CDH16: variants seen among roughly 807,000 people sequenced by gnomAD.
CDH16 encodes cadherin-16.
CDH16 carries 79 observed loss-of-function variants against 87.6 expected under a neutral mutation model. The ratio of observed to expected loss-of-function variants is 0.90; its 90% CI spans 0.75 to 1.09. CDH16 has a LOEUF of 1.09. CDH16 is among the 50% of genes least tolerant of loss of function. The probability of loss-of-function intolerance (pLI) is 0.00; values close to 1 mark genes in which losing one functional copy is unlikely to be tolerated. For missense variants in CDH16, 1,124 were observed against 1,071.7 expected, an observed-to-expected ratio of 1.05 and a Z score of -0.68; for synonymous variants, 457 against 439.5, an observed-to-expected ratio of 1.04 and a Z score of -0.50.
Position 66,917,633 on chromosome 16 carries a change from C to T in CDH16, c.129+9G>A. ...TCCCCCCGGCCCCAACCCCAGCTCTCCGGCTCACCTTGGTCAGGTATAAAG... is the reference window on the plus strand; with the variant it reads ...TCCCCCCGGCCCCAACCCCAGCTCTTCGGCTCACCTTGGTCAGGTATAAAG... On this transcript the variant is annotated intron_variant, in intron 3 of 17. Transcript: ENST00000299752. The T allele has an allele frequency of 6.2e-7, 1 of 1,609,708 alleles. No homozygotes were observed. Among genetic ancestry groups the T allele is most frequent in the Non-Finnish European group, 8.5e-7 (1 of 1,176,976 alleles).
rs1054904725 is a variant in CDH16 at position 66,909,524 on chromosome 16, A to G, written c.2276-141T>C. 4.6e-6 allele frequency: 3 copies of G among 650,330 alleles called. No individual in the cohort carries two copies. Among genetic ancestry groups the G allele is most frequent in the Admixed American group, 2.3e-5 (1 of 43,122 alleles). The allele number at this position is 650,330 out of a possible 1,614,324, so 40.3% of individuals were successfully genotyped here. ...ACATGTGTGTGAAGATATATGCGCT[A>G]GCCAGGCGTGGTGGCTCACACCTGT... On this transcript the variant is annotated intron_variant, in intron 16 of 17. Coordinates refer to ENST00000299752, the MANE Select transcript of CDH16 (RefSeq NM_004062.4). This position sits in a 1 kb window ranked among gnomAD's most constrained non-coding sequence, Gnocchi z 4.1.
chr16:66,910,404 G>A lies in CDH16; in HGVS notation c.2023C>T (p.Leu675Phe), dbSNP rs765196779. Reference protein sequence around the residue: ...LTLAPVPSQYLCTPRQDHGLI... With the variant: ...LTLAPVPSQYFCTPRQDHGLI... ...CCATGGTCTTGGCGGGGTGTGCAGA[G>A]GTATTGGGAGGGCACAGGGGCAAGA... The change falls in exon 15 of 18, where the codon CTC (leucine) becomes TTC (phenylalanine). Residue 675 changes from leucine (L) to phenylalanine (F), a missense_variant. Leu to Phe is a conservative substitution (Grantham distance 22, BLOSUM62 0). Transcript: ENST00000299752. 4.5e-5 allele frequency: 73 copies of A among 1,610,724 alleles called. No individual in the cohort carries two copies. The highest frequency in any genetic ancestry group is 6.2e-5 in the Non-Finnish European group (73 of 1,178,340).
At chr16:66,910,745 C>A (rs886586531) in intron 14 of CDH16, 2 of 427,164 alleles carry the variant, frequency 4.7e-6, no homozygotes, top group South Asian at 6.9e-5. Flanking sequence ...AACCTGCCTC[C>A]CGGGGCTCCC....
chr16:66,915,327 G>A lies in CDH16; in HGVS notation c.476C>T (p.Ala159Val), dbSNP rs1962631448. 1 of 1,613,876 alleles carries A rather than the reference G, an allele frequency of 6.2e-7. No homozygotes were observed. The highest frequency in any genetic ancestry group is 1.7e-5 in the Admixed American group (1 of 60,000). ...EASDRDEPGT[A>V]NSDLRFHILS... ...GATGTGGAATCGAAGATCCGAGTTGGCTGTGCCTGGCTCATCCCGGTCTGA... is the reference window on the plus strand; with the variant it reads ...GATGTGGAATCGAAGATCCGAGTTGACTGTGCCTGGCTCATCCCGGTCTGA... Residue 159 changes from alanine to valine, a missense_variant, in exon 6 of 18, where the codon GCC becomes GTC. Physicochemically the swap from Ala to Val is moderately conservative, Grantham distance 64. Coordinates refer to ENST00000299752, the MANE Select transcript of CDH16 (RefSeq NM_004062.4).
Position 66,912,131 on chromosome 16 carries a change from A to C in CDH16, c.1558T>G (p.Tyr520Asp), listed in dbSNP as rs1421864652. The C allele has an allele frequency of 6.2e-7, 1 of 1,611,896 alleles. No individual in the cohort carries two copies. Among genetic ancestry groups the C allele is most frequent in the Non-Finnish European group, 8.5e-7 (1 of 1,178,458 alleles). ...VRLRLCKNLS[Y>D]EAAPSHEVVV... The stretch of plus-strand genomic sequence containing the variant: ...ACCTCATGACTTGGAGCTGCCTCAT[A>C]ACTGAGGTTCTGGAACCAGGAGGCC... The change falls in exon 13 of 18, where the codon TAT becomes GAT. Residue 520 changes from tyrosine to aspartate, a missense_variant. Tyr to Asp is a radical substitution (Grantham distance 160). Transcript: ENST00000299752.
intron 2 of CDH16, 147 bp downstream of exon 2, chr16:66,917,874 C>A: frequency 1.0e-6 from 1 of 966,380 alleles, no homozygotes; most frequent in South Asian, 1.6e-5. Context: ...CTCCTCATCC[C>A]ACAGTGGCTC....
chr16:66,911,768 A>G, intron 13 of CDH16, 131 bp downstream of exon 13: 2 of 1,169,114 alleles, frequency 1.7e-6, no homozygotes, highest in Non-Finnish European at 1.2e-6. Flanking sequence ...AGGAGTCACA[A>G]CCTTGGCATT....
In CDH16 at chr16:66,914,242, C is replaced by T. The variant is rs1314304598; in HGVS notation, c.754G>A (p.Val252Ile). 3 of 1,614,056 alleles carry T rather than the reference C, an allele frequency of 1.9e-6. No individual in the cohort carries two copies. Among genetic ancestry groups the T allele is most frequent in the Admixed American group, 1.7e-5 (1 of 60,000 alleles). ...TGGGCCATGTGGTGCGGGTATAGGA[C>T]TTTGAGATTCTCTGCCAGGTGGATA... ...EPIHLAENLK[V>I]LYPHHMAQVH... is the part of the protein sequence containing the mutation. The change falls in exon 7 of 18, where the codon GTC becomes ATC. Residue 252 changes from valine (V) to isoleucine (I), a missense_variant. By Grantham distance (29) the Val-to-Ile change is conservative. Transcript: ENST00000299752.
chr16:66,918,027 G>A lies in CDH16; in HGVS notation c.39C>T (p.Val13=), dbSNP rs761324140. ...PAWLWLLCVS[V]PQALPKAQPA... is the part of the protein sequence containing the mutation. ...GGGGCAGGGCCTAGCTCACCTGGGG[G>A]ACGGAGACACAAAGCAGCCACAGCC... Residue 13 remains valine, a synonymous_variant, in exon 2 of 18, where the codon GTC becomes GTT. Transcript: ENST00000299752. 1.6e-5 allele frequency: 26 copies of A among 1,581,616 alleles called. No individual in the cohort carries two copies. In the South Asian group the frequency reaches 2.3e-4, roughly 14 times the overall value.
chr16:66,909,970 C>A lies in CDH16; in HGVS notation c.2275+16G>T, dbSNP rs1243323699. ...TTCCCTCAGGAACTGCAGGCTGCAC[C>A]CAAGCCCAATCTCACCTCGAACCAG... On this transcript the variant is annotated intron_variant, in intron 16 of 17. Transcript: ENST00000299752. This position sits in a 1 kb window ranked among gnomAD's most constrained non-coding sequence, Gnocchi z 4.1. The A allele has an allele frequency of 1.3e-6, 2 of 1,578,808 alleles. No homozygotes were observed.
intron 13 of CDH16, 119 bp from the exon 14 acceptor site, chr16:66,911,434 C>G (rs1422515792): frequency 9.6e-7 from 1 of 1,041,080 alleles, no homozygotes; most frequent in African/African-American, 1.6e-5. Context: ...TCAGGGGCCA[C>G]AGCAAAGCCT....
Position 66,916,306 on chromosome 16 carries a change from C to G in CDH16, c.253G>C (p.Asp85His). The change falls in exon 4 of 18, where the codon GAC (aspartate) becomes CAC (histidine). Residue 85 changes from aspartate (D) to histidine (H), a missense_variant. Coordinates refer to ENST00000299752, the MANE Select transcript of CDH16 (RefSeq NM_004062.4). The surrounding 1 kb of genome is among the most constrained non-coding windows in gnomAD (Gnocchi z 4.1). Reference sequence around the variant, plus strand: ...TGGTACTCTGCCTGCTCCTCTCGGTCCAGGGCCCTGGTCACCAGCAGGAAG... The same window carrying G: ...TGGTACTCTGCCTGCTCCTCTCGGTGCAGGGCCCTGGTCACCAGCAGGAAG... ...SGFLLVTRAL[D>H]REEQAEYQLQ... The G allele has an allele frequency of 6.2e-7, 1 of 1,614,056 alleles. No homozygotes were observed. Among genetic ancestry groups the G allele is most frequent in the Non-Finnish European group, 8.5e-7 (1 of 1,179,922 alleles).
rs765794991 is a variant in CDH16 at position 66,911,265 on chromosome 16, G to GA, written c.1840dup (p.Ser614PhefsTer30). 1.3e-4 allele frequency: 203 copies of GA among 1,613,442 alleles called. No homozygotes were observed. The highest frequency in any genetic ancestry group is 1.7e-4 in the Non-Finnish European group (198 of 1,179,796). ...GGACTGGGCGGTGTGCACCTCCCCG[G>GA]AGAATTTCTCAATGCAGAGCCAGCC... On this transcript the variant is annotated frameshift_variant, in exon 14 of 18. Transcript: ENST00000299752. LOFTEE classifies it high-confidence loss of function.
intron 8 of CDH16, 45 bp from the exon 9 acceptor site, chr16:66,913,326 T>G: frequency 1.9e-6 from 3 of 1,549,106 alleles, no homozygotes; most frequent in Non-Finnish European, 2.6e-6. Flanking sequence ...CAAGGGCAGC[T>G]CCAGCCTTGC....
intron 13 of CDH16, 110 bp downstream of exon 13, chr16:66,911,789 T>A: frequency 7.4e-7 from 1 of 1,342,770 alleles, no homozygotes; most frequent in Non-Finnish European, 1.0e-6. Flanking sequence ...TGCCATAGTT[T>A]GAGAAATTTT....
rs555404030 is a variant in CDH16, at chr16:66,910,960, A to G, written c.1924+222T>C. 1.2e-5 allele frequency: 6 copies of G among 520,634 alleles called. No individual in the cohort carries two copies. The African/African-American group carries it at 1.2e-4, about 10-fold the overall frequency. 32.3% of individuals were successfully genotyped at this position (520,634 alleles called of 1,614,324 possible). The stretch of plus-strand genomic sequence containing the variant: ...CAGGGCTGGGAGATTTTGTGTGTCA[A>G]TCTAGGAGAATGATCAGAGAGGGGA... On this transcript the variant is annotated intron_variant, in intron 14 of 17. Coordinates refer to ENST00000299752, the MANE Select transcript of CDH16 (RefSeq NM_004062.4).
chr16:66,916,431 T>C lies in CDH16; in HGVS notation c.130-2A>G. 6.3e-7 allele frequency: 1 copy of C among 1,594,132 alleles called. No individual in the cohort carries two copies. Among genetic ancestry groups the C allele is most frequent in the Non-Finnish European group, 8.6e-7 (1 of 1,168,294 alleles). Reference sequence around the variant, plus strand: ...AGCCCCCTCACGGGGCAGCGGCAACTGATGGAAATGAACAGAAGTGAAGGG... The same window carrying C: ...AGCCCCCTCACGGGGCAGCGGCAACCGATGGAAATGAACAGAAGTGAAGGG... On this transcript the variant is annotated splice_acceptor_variant, in intron 3 of 17. Transcript: ENST00000299752. LOFTEE classifies it high-confidence loss of function. The surrounding 1 kb of genome is among the most constrained non-coding windows in gnomAD (Gnocchi z 4.1).
Position 66,912,826 on chromosome 16 carries a change from C to A in CDH16, c.1120G>T (p.Val374Leu), listed in dbSNP as rs760998434. The change falls in exon 10 of 18, where the codon GTG (valine) becomes TTG (leucine). Residue 374 changes from valine to leucine, a missense_variant. By Grantham distance (32) the Val-to-Leu change is conservative. Coordinates refer to ENST00000299752, the MANE Select transcript of CDH16 (RefSeq NM_004062.4). ...GGCTCAGGGCTCAGGAGCTGATACACAACGTGGGAATTGGGGGAGCCGGGG... is the reference window on the plus strand; with the variant it reads ...GGCTCAGGGCTCAGGAGCTGATACAAAACGTGGGAATTGGGGGAGCCGGGG... The part of the protein sequence containing the change: ...DAPGSPNSHV[V>L]YQLLSPEPED... The A allele has an allele frequency of 1.2e-6, 2 of 1,613,682 alleles. No individual in the cohort carries two copies. The highest frequency in any genetic ancestry group is 1.7e-6 in the Non-Finnish European group (2 of 1,180,012).
rs1057137383 is a variant in CDH16 at position 66,914,310 on chromosome 16, A to T, written c.686T>A (p.Val229Glu). ...GGTGCTCTCTATGATGGAGACTTCC[A>T]CGGTGGCAGTGGCCTGGTGGCCTGA... ...QASGHQATATVEVSIIESTWV... is the reference protein window; with the variant it reads ...QASGHQATATEEVSIIESTWV... The change falls in exon 7 of 18, where the codon GTG becomes GAG. Residue 229 changes from valine (V) to glutamate (E), a missense_variant. By Grantham distance (121) the Val-to-Glu change is moderately radical. Coordinates refer to ENST00000299752, the MANE Select transcript of CDH16 (RefSeq NM_004062.4). 1.2e-6 allele frequency: 2 copies of T among 1,614,182 alleles called. No individual in the cohort carries two copies. Among genetic ancestry groups the T allele is most frequent in the East Asian group, 2.2e-5 (1 of 44,888 alleles).
Sources: allele counts gnomAD v4.1 joint callset, GRCh38; gene constraint gnomAD v4.1.1; non-coding constraint Gnocchi (gnomAD v3.1); transcripts MANE v1.5; gene names NCBI Gene and HGNC (gene_info 2026-07-23, HGNC 2026-07-21).